ADK: variants seen among roughly 807,000 people sequenced by gnomAD.
ADK encodes the protein adenosine kinase, also known as N6,N6-dimethyladenosine kinase.
A neutral mutation model predicts 44.7 loss-of-function variants in ADK; 24 were observed. The ratio of observed to expected loss-of-function variants is 0.54; its 90% CI spans 0.39 to 0.76. ADK has a LOEUF of 0.76. Ranked by LOEUF, ADK falls within the 30% of genes least tolerant of loss-of-function variation. ADK has a pLI of 0.00. For missense variants in ADK, 321 were observed against 425.1 expected (o/e 0.76, Z 2.15); for synonymous variants, 128 against 142.6 (o/e 0.90, Z 0.73).
At chr10:74,414,869 G>T (rs960876338) in intron 6 of ADK, among the ~76,000 whole-genome samples, 1 of 152,092 alleles carries the variant, frequency 6.6e-6, no homozygotes, top group Non-Finnish European at 1.5e-5. Flanking sequence ...CTCCAAATTG[G>T]AGAATGTACT....
intron 9 of ADK, among the ~76,000 whole-genome samples, chr10:74,636,137 T>A (rs559979651): frequency 6.6e-6 from 1 of 152,216 alleles, no homozygotes; most frequent in Admixed American, 6.5e-5. Context: ...ATTATTTTTT[T>A]AATTACAATC....
chr10:74,252,005 A>G (rs1335840251), intron 3 of ADK, among the ~76,000 whole-genome samples: 1 of 148,742 alleles, frequency 6.7e-6, no homozygotes, highest in Non-Finnish European at 1.5e-5. Flanking sequence ...CTAGTCATTA[A>G]TTAAGACCTG....
At chr10:74,493,353 G>A (rs1847555780) in intron 6 of ADK, among the ~76,000 whole-genome samples, 1 of 143,110 alleles carries the variant, frequency 7.0e-6, no homozygotes, top group East Asian at 2.0e-4. Flanking sequence ...CAGCATGTAT[G>A]TGTGTGTGTG....
chr10:74,552,042 A>AT (rs1277498164), intron 7 of ADK, among the ~76,000 whole-genome samples: 1 of 150,976 alleles, frequency 6.6e-6, no homozygotes, highest in Non-Finnish European at 1.5e-5. Flanking sequence ...TTATTGTTGG[A>AT]TTTTTTTCAT....
At chr10:74,238,856 CTTTTTTTTTT>C (rs752385282) in intron 3 of ADK, among the ~76,000 whole-genome samples, 1 of 88,194 alleles carries the variant, frequency 1.1e-5, no homozygotes, top group Admixed American at 1.6e-4. Flanking sequence ...TTAGCTAGTG[CTTTTTTTTTT>C]TTTTTTTTTT....
chr10:74,356,002 A>ATTTTGTTTT (rs772603788), intron 4 of ADK, among the ~76,000 whole-genome samples: 1 of 83,310 alleles, frequency 1.2e-5, no homozygotes, highest in African/African-American at 5.1e-5. Context: ...TAAATAATTC[A>ATTTTGTTTT]TTTTTTTTTT....
At chr10:74,283,665 G>A (rs1439430943) in intron 3 of ADK, among the ~76,000 whole-genome samples, 2 of 132,914 alleles carry the variant, frequency 1.5e-5, no homozygotes, top group Non-Finnish European at 3.2e-5. Flanking sequence ...ACGGAGTTTC[G>A]CTCTTGTTTT....
At chr10:74,384,486 A>G (rs1276987594) in intron 4 of ADK, among the ~76,000 whole-genome samples, 1 of 152,138 alleles carries the variant, frequency 6.6e-6, no homozygotes, top group African/African-American at 2.4e-5. Context: ...CCTGGCCAAC[A>G]TGGTGGAACC....
intron 5 of ADK, among the ~76,000 whole-genome samples, chr10:74,397,826 T>G (rs980059447): frequency 1.3e-5 from 2 of 152,202 alleles, no homozygotes; most frequent in African/African-American, 4.8e-5. Flanking sequence ...AGCTTTGAGC[T>G]ACTGCACCCA....
At chr10:74,572,234 A>G (rs1850996687) in intron 7 of ADK, among the ~76,000 whole-genome samples, 1 of 152,152 alleles carries the variant, frequency 6.6e-6, no homozygotes, top group Non-Finnish European at 1.5e-5. Flanking sequence ...GCTTGTCTGT[A>G]AAGTATTTTA....
chr10:74,410,772 A>C (rs1844147620), intron 6 of ADK, among the ~76,000 whole-genome samples: 1 of 152,178 alleles, frequency 6.6e-6, no homozygotes, highest in African/African-American at 2.4e-5. Flanking sequence ...CATAATCTAT[A>C]CTGTTACAAT....
At chr10:74,225,666 G>C (rs10824120) in intron 3 of ADK, among the ~76,000 whole-genome samples, 1 of 152,006 alleles carries the variant, frequency 6.6e-6, no homozygotes, top group Non-Finnish European at 1.5e-5. Context: ...TTTCTTATGC[G>C]TTCTTACCGT....
At chr10:74,527,581 G>C (rs774857804) in intron 7 of ADK, 74 of 763,786 alleles carry the variant, frequency 9.7e-5, no homozygotes, top group Non-Finnish European at 1.4e-4. Flanking sequence ...GGAGGATAAC[G>C]AGATAGCTGC....
At chr10:74,212,975 G>A (rs527333023) in intron 2 of ADK, among the ~76,000 whole-genome samples, 3 of 152,330 alleles carry the variant, frequency 2.0e-5, no homozygotes, top group Admixed American at 6.5e-5. Flanking sequence ...GGGAGTATAG[G>A]AGGAGGATAT....
At chr10:74,533,605 A>G (rs1849363161) in intron 7 of ADK, among the ~76,000 whole-genome samples, 1 of 152,224 alleles carries the variant, frequency 6.6e-6, no homozygotes, top group Non-Finnish European at 1.5e-5. Flanking sequence ...CCACGTAACA[A>G]ACAACTGCAC....
chr10:74,525,983 G>A (rs765670439), intron 7 of ADK, among the ~76,000 whole-genome samples: 42 of 151,900 alleles, frequency 2.8e-4, no homozygotes, highest in Non-Finnish European at 5.2e-4. Flanking sequence ...GGTGTTTGAC[G>A]TTTGATTTAC....
At chr10:74,691,493 G>A (rs145017870) in intron 10 of ADK, among the ~76,000 whole-genome samples, 206 of 152,312 alleles carry the variant, frequency 1.4e-3, no homozygotes, top group African/African-American at 4.7e-3. Context: ...TAACTTAAGT[G>A]AGTGAGCAAG....
intron 1 of ADK, among the ~76,000 whole-genome samples, chr10:74,197,252 A>T (rs1843188566): frequency 1.3e-5 from 2 of 152,222 alleles, no homozygotes; most frequent in African/African-American, 2.4e-5. Flanking sequence ...CAAGGAAAAG[A>T]TGACAGACAC....
At chr10:74,652,469 A>G (rs1452588503) in intron 9 of ADK, among the ~76,000 whole-genome samples, 1 of 151,834 alleles carries the variant, frequency 6.6e-6, no homozygotes, top group Non-Finnish European at 1.5e-5. Context: ...CAATTTAAAG[A>G]TAGCCTGTAG....
Sources: allele counts gnomAD v4.1 joint callset (sites outside exome capture counted in the v4.1 genomes callset), GRCh38; gene constraint gnomAD v4.1.1; transcripts MANE v1.5; gene names NCBI Gene and HGNC (gene_info 2026-07-23, HGNC 2026-07-21).